Variants in TEAD2 observed in about 807,000 individuals in gnomAD.
TEAD2 encodes the protein TEA domain transcription factor 2.
A neutral mutation model predicts 61.4 loss-of-function variants in TEAD2; 51 were observed. The ratio of observed to expected loss-of-function variants is 0.83; its 90% CI spans 0.66 to 1.05. The LOEUF is 1.05. TEAD2 is among the 50% of genes least tolerant of loss of function. The pLI is 0.00. For missense variants in TEAD2, 509 were observed against 600.0 expected, an observed-to-expected ratio of 0.85 and a Z score of 1.58; for synonymous variants, 244 against 243.2, an observed-to-expected ratio of 1.00 and a Z score of -0.03.
At chr19:49,348,611 C>T (rs113289900) in intron 9 of TEAD2, 92 bp downstream of exon 9, 2 of 1,201,248 alleles carry the variant, frequency 1.7e-6, no homozygotes, top group East Asian at 2.3e-5. Flanking sequence ...CTGATACATG[C>T]TAAAGTTTTA....
At chr19:49,346,165 C>CAAAAAAAAAAAAAAAAAAAAA (rs10684078) in intron 10 of TEAD2, among the ~76,000 whole-genome samples, 1 of 44,390 alleles carries the variant, frequency 2.3e-5, no homozygotes, top group African/African-American at 6.1e-5. Flanking sequence ...AATTCCATCT[C>CAAAAAAAAAAAAAAAAAAAAA]AAAAAAAAAA....
intron 10 of TEAD2, among the ~76,000 whole-genome samples, chr19:49,344,579 C>T (rs991060897): frequency 2.0e-5 from 3 of 152,202 alleles, no homozygotes; most frequent in African/African-American, 7.2e-5. Context: ...CTGTGTCCAG[C>T]CAATTCAACC....
At chr19:49,345,490 C>A (rs1048868803) in intron 10 of TEAD2, among the ~76,000 whole-genome samples, 5 of 152,086 alleles carry the variant, frequency 3.3e-5, no homozygotes, top group African/African-American at 9.7e-5. Flanking sequence ...GAAGCTAGGA[C>A]CACAGGTGCG....
chr19:49,351,894 G>A lies in TEAD2; in HGVS notation c.540-529C>T, dbSNP rs1381963679. On this transcript the variant is annotated intron_variant, in intron 7 of 12. Transcript: ENST00000593945. Reference sequence around the variant, plus strand: ...CGAGCTATTCAGGGGGCTGGGCCAGGAGAACTGCTTGAACCCGGGAGGCAG... The same window carrying A: ...CGAGCTATTCAGGGGGCTGGGCCAGAAGAACTGCTTGAACCCGGGAGGCAG... Among the ~76,000 whole-genome samples the A allele has an allele frequency of 5.3e-5, 8 of 152,120 alleles. No individual in the cohort carries two copies. In the South Asian group the frequency reaches 1.0e-3, roughly 20 times the overall value.
rs1017577119 is a variant in TEAD2 at position 49,341,797 on chromosome 19, TA to T, written c.1243-361del. ...TCTCTGCCTCAGCAGTCCAAAAAGT[TA>T]AAGGGGCTCCCACCATATCATGTTC... On this transcript the variant is annotated intron_variant, in intron 12 of 12. Transcript: ENST00000593945. The surrounding 1 kb of genome is among the most constrained non-coding windows in gnomAD (Gnocchi z 4.2). Among the ~76,000 whole-genome samples, 1 of 151,972 alleles carries T rather than the reference TA, an allele frequency of 6.6e-6. No individual in the cohort carries two copies. The highest frequency in any genetic ancestry group is 2.4e-5 in the African/African-American group (1 of 41,364).
In TEAD2 at chr19:49,341,245, TAAG is replaced by T. The variant is rs142981864; in HGVS notation, c.*76_*78del. 5.5e-3 allele frequency: 6,683 copies of T among 1,221,170 alleles called. 146 individuals are homozygous for T. In the African/African-American group the frequency reaches 0.057, roughly 10 times the overall value. 75.6% of individuals were successfully genotyped at this position (1,221,170 alleles called of 1,614,324 possible). On this transcript the variant is annotated 3_prime_UTR_variant, in exon 13 of 13. Coordinates refer to ENST00000593945, the MANE Select transcript of TEAD2 (RefSeq NM_001256660.2). The surrounding 1 kb of genome is among the most constrained non-coding windows in gnomAD (Gnocchi z 4.2). The stretch of plus-strand genomic sequence containing the variant: ...TTTACATCACAGCCCTCTCCCCAAA[TAAG>T]AAGCATGAGGTGAGCTGGAGGACCC...
chr19:49,358,570 G>A lies in TEAD2; in HGVS notation c.297+865C>T, dbSNP rs117392845. Reference sequence around the variant, plus strand: ...GAGGCCTCACCAGGAGCAGATGCCAGCTCCATGCTTCCTGGACAGCCTGCA... The same window carrying A: ...GAGGCCTCACCAGGAGCAGATGCCAACTCCATGCTTCCTGGACAGCCTGCA... On this transcript the variant is annotated intron_variant, in intron 3 of 12. Transcript: ENST00000593945. 1.1e-3 allele frequency among the ~76,000 whole-genome samples: 163 copies of A among 152,164 alleles called. No individual in the cohort carries two copies. In the East Asian group the frequency reaches 0.03, roughly 28 times the overall value.
At chr19:49,356,512 TGAG>T (rs1972411336) in intron 4 of TEAD2, among the ~76,000 whole-genome samples, 1 of 150,362 alleles carries the variant, frequency 6.7e-6, no homozygotes, top group Non-Finnish European at 1.5e-5. Flanking sequence ...ATCCAAAGGA[TGAG>T]GAGAAGGAAA....
chr19:49,359,237 C>T lies in TEAD2; in HGVS notation c.297+198G>A. 1 of 598,614 alleles carries T rather than the reference C, an allele frequency of 1.7e-6. No homozygotes were observed. The highest frequency in any genetic ancestry group is 3.0e-6 in the Non-Finnish European group (1 of 333,942). The allele number at this position is 598,614 out of a possible 1,614,324, so 37.1% of individuals were successfully genotyped here. A position where few individuals can be genotyped will look rare whatever the true frequency, so the allele number is the denominator to read the frequency against. ...TGGGCAACAGAGCTAGACTCCATTT[C>T]AAAAAATAAACAAATACATAAATAA... On this transcript the variant is annotated intron_variant, in intron 3 of 12. Transcript: ENST00000593945. This position sits in a 1 kb window ranked among gnomAD's most constrained non-coding sequence, Gnocchi z 4.1.
chr19:49,348,869 A>G (rs771684900), intron 8 of TEAD2, 24 bp from the exon 9 acceptor site: 1 of 1,485,432 alleles, frequency 6.7e-7, no homozygotes, highest in South Asian at 1.4e-5. Flanking sequence ...AGAAAGAACA[A>G]TACAAATTGC....
chr19:49,344,363 C>T (rs1971498647), intron 10 of TEAD2, among the ~76,000 whole-genome samples: 1 of 152,102 alleles, frequency 6.6e-6, no homozygotes, highest in African/African-American at 2.4e-5. Flanking sequence ...TCACTGCAAC[C>T]TCTGCCTCCC....
intron 4 of TEAD2, among the ~76,000 whole-genome samples, chr19:49,356,450 C>G (rs1039695386): frequency 1.3e-5 from 2 of 150,030 alleles, no homozygotes; most frequent in African/African-American, 2.5e-5. Context: ...AAAACCCCCA[C>G]ACACCCAGAA....
At chr19:49,358,565 T>G (rs1388799507) in intron 3 of TEAD2, among the ~76,000 whole-genome samples, 1 of 152,062 alleles carries the variant, frequency 6.6e-6, no homozygotes, top group East Asian at 1.9e-4. Flanking sequence ...CAGGAGCAGA[T>G]GCCAGCTCCA....
intron 10 of TEAD2, among the ~76,000 whole-genome samples, chr19:49,344,156 C>T (rs1228984313): frequency 6.6e-6 from 1 of 151,154 alleles, no homozygotes; most frequent in East Asian, 2.0e-4. Flanking sequence ...TTTCAAAGTT[C>T]TCCAAGGGCT....
intron 7 of TEAD2, among the ~76,000 whole-genome samples, chr19:49,353,617 A>G (rs1034573892): frequency 4.1e-4 from 63 of 152,212 alleles, no homozygotes; most frequent in African/African-American, 1.4e-3. Flanking sequence ...CCCCAGCGTC[A>G]GGGCAGTGCC....
Position 49,341,074 on chromosome 19 carries a change from T to C in TEAD2, c.*250A>G. The C allele has an allele frequency of 6.6e-6, 3 of 457,882 alleles. No individual in the cohort carries two copies. Among genetic ancestry groups the C allele is most frequent in the Non-Finnish European group, 1.2e-5 (3 of 249,516 alleles). The allele number at this position is 457,882 out of a possible 1,614,324, so 28.4% of individuals were successfully genotyped here. ...CAATCCCTGATACTCCGGAGTGATC[T>C]GTCCTTTCAGACACCCACTGTGAGG... On this transcript the variant is annotated 3_prime_UTR_variant, in exon 13 of 13. Transcript: ENST00000593945. The surrounding 1 kb of genome is among the most constrained non-coding windows in gnomAD (Gnocchi z 4.2).
intron 3 of TEAD2, among the ~76,000 whole-genome samples, chr19:49,358,904 G>A (rs1972599114): frequency 6.6e-6 from 1 of 151,926 alleles, no homozygotes. Flanking sequence ...TAACAGGCAT[G>A]AGCCACTGGC....
chr19:49,342,879 C>T (rs1159470561), intron 11 of TEAD2, among the ~76,000 whole-genome samples: 1 of 152,106 alleles, frequency 6.6e-6, no homozygotes, highest in Admixed American at 6.5e-5. Context: ...CCAAAGACCC[C>T]TCCATGACGT....
chr19:49,351,047 C>T (rs897413140), intron 8 of TEAD2, among the ~76,000 whole-genome samples: 5 of 151,996 alleles, frequency 3.3e-5, no homozygotes, highest in East Asian at 3.9e-4. Context: ...GGCATGGTGG[C>T]GGGCACCTGT....
Sources: gnomAD v4.1 joint callset for allele counts (sites outside exome capture counted in the v4.1 genomes callset) on GRCh38, gnomAD v4.1.1 for gene constraint, Gnocchi (gnomAD v3.1) non-coding constraint, MANE v1.5 for transcripts, NCBI Gene and HGNC (gene_info 2026-07-23, HGNC 2026-07-21) for gene names.